Variants in DPF1 observed in about 807,000 individuals in gnomAD.
DPF1 encodes double PHD fingers 1.
A neutral mutation model predicts 58.7 loss-of-function variants in DPF1; 14 were observed. That is an observed-to-expected ratio of 0.24 (90% confidence interval 0.16 to 0.37). The LOEUF (loss-of-function observed/expected upper bound fraction) is 0.37. DPF1 is among the 10% of genes least tolerant of loss of function. DPF1 has a pLI of 1.00. For missense variants in DPF1, 345 were observed against 529.9 expected (o/e 0.65, Z 3.43); for synonymous variants, 216 against 216.0 (o/e 1.00, Z 0.00).
chr19:38,217,380 C>CCCA, intron 7 of DPF1, 80 bp downstream of exon 7: 1 of 660,616 alleles, frequency 1.5e-6, no homozygotes, highest in South Asian at 1.8e-5. Flanking sequence ...GTCTAATGCC[C>CCCA]CCCCACCCCC....
At chr19:38,215,205 G>C (rs998470438) in intron 9 of DPF1, among the ~76,000 whole-genome samples, 1 of 151,426 alleles carries the variant, frequency 6.6e-6, no homozygotes, top group African/African-American at 2.4e-5. Flanking sequence ...CAGATTCAAG[G>C]GGCTGGGTGC....
Position 38,220,382 on chromosome 19 carries a change from G to A in DPF1, c.299-1324C>T, listed in dbSNP as rs1735953220. On this transcript the variant is annotated intron_variant, in intron 3 of 11. Coordinates refer to ENST00000355526, the MANE Select transcript of DPF1 (RefSeq NM_001135155.3). ...CACGCCTGTAATCCCAGCACTTTGG[G>A]AGGCCGAGGCGGGCAGATCATGAGG... Among the ~76,000 whole-genome samples the A allele has an allele frequency of 2.6e-5, 4 of 152,088 alleles. No homozygotes were observed. In the South Asian group the frequency reaches 8.3e-4, roughly 32 times the overall value.
upstream of DPF1, among the ~76,000 whole-genome samples, chr19:38,226,520 A>T: frequency 6.7e-6 from 1 of 149,852 alleles, no homozygotes; most frequent in Non-Finnish European, 1.5e-5. Flanking sequence ...ACACACACAC[A>T]CACACACACA....
At chr19:38,226,536 A>ACACACACACACC (rs1443352112), upstream of DPF1, among the ~76,000 whole-genome samples, 1 of 150,146 alleles carries the variant, frequency 6.7e-6, no homozygotes, top group Non-Finnish European at 1.5e-5. Flanking sequence ...ACACACACAC[A>ACACACACACACC]CACTCCTCTA....
chr19:38,213,884 C>T (rs1973652843), intron 9 of DPF1, 128 bp from the exon 10 acceptor site: 3 of 730,322 alleles, frequency 4.1e-6, no homozygotes, highest in Admixed American at 2.7e-5. Context: ...CCGGGATCCA[C>T]AGCCTGACCC....
chr19:38,226,993 T>TCTTCCTTCCTTCCTTC (rs71179424), upstream of DPF1, among the ~76,000 whole-genome samples: 109 of 71,726 alleles, frequency 1.5e-3, no homozygotes, highest in South Asian at 6.1e-3. Flanking sequence ...CTTTTATTTC[T>TCTTCCTTCCTTCCTTC]CTTCCTTCCT....
chr19:38,221,358 T>C (rs1305554178), intron 3 of DPF1, among the ~76,000 whole-genome samples: 1 of 151,928 alleles, frequency 6.6e-6, no homozygotes, highest in African/African-American at 2.4e-5. Context: ...GCCAACATGG[T>C]GAAACCCTGT....
upstream of DPF1, among the ~76,000 whole-genome samples, chr19:38,228,339 C>T (rs928279171): frequency 6.6e-6 from 1 of 151,764 alleles, no homozygotes; most frequent in Non-Finnish European, 1.5e-5. Context: ...GTCCAGCCAG[C>T]AGGCGCATCC....
Position 38,222,562 on chromosome 19 carries a change from G to A in DPF1, c.176C>T (p.Thr59Ile). The A allele has an allele frequency of 6.2e-7, 1 of 1,610,000 alleles. No homozygotes were observed. The highest frequency in any genetic ancestry group is 8.5e-7 in the Non-Finnish European group (1 of 1,178,508). ...CCCGGCGGTACCCGGCCCGCGGTGG[G>A]TCTTCTCCATCCAGATGTAGCAGTT... Reference protein sequence around the residue: ...QNNCYIWMEKTHRGPGLAPGQ... With the variant: ...QNNCYIWMEKIHRGPGLAPGQ... Residue 59 changes from threonine (T) to isoleucine (I), a missense_variant, in exon 2 of 12, where the codon ACC becomes ATC. Physicochemically the swap from Thr to Ile is moderately conservative, Grantham distance 89. Coordinates refer to ENST00000355526, the MANE Select transcript of DPF1 (RefSeq NM_001135155.3). The surrounding 1 kb of genome is among the most constrained non-coding windows in gnomAD (Gnocchi z 4.9).
chr19:38,213,538 G>A, intron 10 of DPF1, 106 bp downstream of exon 10: 2 of 902,728 alleles, frequency 2.2e-6, no homozygotes, highest in Non-Finnish European at 3.5e-6. Flanking sequence ...CAGGGGACTG[G>A]TGTTCACCAG....
At position 38,211,523 on chromosome 19, in the gene DPF1, G is replaced by C. The variant is rs979099199; in HGVS notation, c.*540C>G. 6.5e-6 allele frequency: 1 copy of C among 153,002 alleles called. No homozygotes were observed. The highest frequency in any genetic ancestry group is 1.5e-5 in the Non-Finnish European group (1 of 68,746). 9.5% of individuals were successfully genotyped at this position (153,002 alleles called of 1,614,324 possible). A position where few individuals can be genotyped will look rare whatever the true frequency, so the allele number is the denominator to read the frequency against. Reference sequence around the variant, plus strand: ...ACCACGCCCACCGCCCTGGGCACAAGAGGGGAAGGCGCCCACCTTGGGTGG... The same window carrying C: ...ACCACGCCCACCGCCCTGGGCACAACAGGGGAAGGCGCCCACCTTGGGTGG... On this transcript the variant is annotated 3_prime_UTR_variant, in exon 12 of 12. Transcript: ENST00000355526. This position sits in a 1 kb window ranked among gnomAD's most constrained non-coding sequence, Gnocchi z 4.0.
chr19:38,214,903 T>C (rs1327872571), intron 9 of DPF1, among the ~76,000 whole-genome samples: 1 of 149,094 alleles, frequency 6.7e-6, no homozygotes, highest in Non-Finnish European at 1.5e-5. Flanking sequence ...TGGTGCAATC[T>C]TGGCTCATGG....
In DPF1 at chr19:38,216,363, C is replaced by T; in HGVS notation, c.768G>A (p.Arg256=). 1.9e-6 allele frequency: 3 copies of T among 1,599,992 alleles called. No homozygotes were observed. The highest frequency in any genetic ancestry group is 2.3e-5 in the South Asian group (2 of 88,632). The change falls in exon 8 of 12, where the codon AGG becomes AGA. Residue 256 remains arginine (R), a synonymous_variant. Transcript: ENST00000355526. ...AGGAGGCATCCGTACCTGTGTGTTT[C>T]CTTTGTGCCTCAGGGACCCAGGCCA... ...KELAWVPEAQ[R]KHTAKKAPDG... is the part of the protein sequence containing the mutation.
chr19:38,223,940 C>T, intron 1 of DPF1, 174 bp downstream of exon 1: 1 of 868,038 alleles, frequency 1.2e-6, no homozygotes, highest in Non-Finnish European at 1.5e-6. Context: ...GCGGTGCATC[C>T]GACACCATTC....
At position 38,222,968 on chromosome 19, in the gene DPF1, G is replaced by A. The variant is rs2068476096; in HGVS notation, c.30-260C>T. 1 of 493,222 alleles carries A rather than the reference G, an allele frequency of 2.0e-6. No individual in the cohort carries two copies. Among genetic ancestry groups the A allele is most frequent in the Admixed American group, 4.0e-5 (1 of 24,970 alleles). The allele number at this position is 493,222 out of a possible 1,614,324, so 30.6% of individuals were successfully genotyped here. A position where few individuals can be genotyped will look rare whatever the true frequency, so the allele number is the denominator to read the frequency against. On this transcript the variant is annotated intron_variant, in intron 1 of 11. Coordinates refer to ENST00000355526, the MANE Select transcript of DPF1 (RefSeq NM_001135155.3). The surrounding 1 kb of genome is among the most constrained non-coding windows in gnomAD (Gnocchi z 4.9). The stretch of plus-strand genomic sequence containing the variant: ...ACAGAAACAAACAAAAACACACCGG[G>A]ACGTATCCCTACCTGAACACATGCA...
At chr19:38,212,184 C>T in intron 11 of DPF1, 51 bp from the exon 12 acceptor site, 1 of 1,578,082 alleles carries the variant, frequency 6.3e-7, no homozygotes, top group South Asian at 1.2e-5. Flanking sequence ...GAGGGCTGCC[C>T]CAGCCCCTTC....
chr19:38,212,138 G>T lies in DPF1; in HGVS notation c.1094-5C>A, dbSNP rs758789518. 3 of 1,607,258 alleles carry T rather than the reference G, an allele frequency of 1.9e-6. No homozygotes were observed. Among genetic ancestry groups the T allele is most frequent in the East Asian group, 2.2e-5 (1 of 44,668 alleles). ...AGAGGTGACAGCTCCAGCTCCCTGCGGGGGCAGCCGAAGCTGAAGTCAGGC... is the reference window on the plus strand; with the variant it reads ...AGAGGTGACAGCTCCAGCTCCCTGCTGGGGCAGCCGAAGCTGAAGTCAGGC... On this transcript the variant is annotated splice_region_variant and splice_polypyrimidine_tract_variant and intron_variant, in intron 11 of 11. Coordinates refer to ENST00000355526, the MANE Select transcript of DPF1 (RefSeq NM_001135155.3).
chr19:38,225,737 T>A (rs1456393358), upstream of DPF1, among the ~76,000 whole-genome samples: 2 of 149,906 alleles, frequency 1.3e-5, no homozygotes, highest in East Asian at 4.0e-4. Context: ...AAAAAAAAAA[T>A]AAATAGCTGG....
chr19:38,214,166 C>T (rs573326493), intron 9 of DPF1, among the ~76,000 whole-genome samples: 5 of 152,336 alleles, frequency 3.3e-5, no homozygotes, highest in African/African-American at 1.2e-4. Context: ...CCACACTCTC[C>T]CAGCCACAAT....
Sources: gnomAD v4.1 joint callset for allele counts (sites outside exome capture counted in the v4.1 genomes callset) on GRCh38, gnomAD v4.1.1 for gene constraint, Gnocchi (gnomAD v3.1) non-coding constraint, MANE v1.5 for transcripts, NCBI Gene and HGNC (gene_info 2026-07-23, HGNC 2026-07-21) for gene names.